GLYATL2: variants seen among roughly 807,000 people sequenced by gnomAD.
The protein encoded by GLYATL2 is glycine-N-acyltransferase like 2.
GLYATL2 carries 25 observed loss-of-function variants against 21.4 expected under a neutral mutation model. The ratio of observed to expected loss-of-function variants is 1.17; its 90% CI spans 0.85 to 1.63. GLYATL2 has a LOEUF of 1.63. Ranked by LOEUF, GLYATL2 falls within the 40% of genes most tolerant of loss-of-function variation. GLYATL2 has a pLI of 0.00. For missense variants in GLYATL2, 361 were observed against 343.3 expected, an observed-to-expected ratio of 1.05 and a Z score of -0.41; for synonymous variants, 114 against 118.2, an observed-to-expected ratio of 0.96 and a Z score of 0.23.
chr11:58,837,360 T>C lies in GLYATL2; in HGVS notation c.224A>G (p.Tyr75Cys). Residue 75 changes from tyrosine to cysteine, a missense_variant, in exon 4 of 6, where the codon TAC becomes TGC. Coordinates refer to ENST00000287275, the MANE Select transcript of GLYATL2 (RefSeq NM_145016.4). ...KDDQDHYTNTYHIFTKAPDKL... is the reference protein window; with the variant it reads ...KDDQDHYTNTCHIFTKAPDKL... ...GTCAGGAGCTTTGGTGAAGATGTGGTAAGTGTTGGTATAATGATCCTGGTC... is the reference window on the plus strand; with the variant it reads ...GTCAGGAGCTTTGGTGAAGATGTGGCAAGTGTTGGTATAATGATCCTGGTC... 1 of 1,613,404 alleles carries C rather than the reference T, an allele frequency of 6.2e-7. No individual in the cohort carries two copies. Among genetic ancestry groups the C allele is most frequent in the Non-Finnish European group, 8.5e-7 (1 of 1,179,356 alleles).
At chr11:58,891,884 A>C (rs1854550538) in intron 1 of GLYATL2, among the ~76,000 whole-genome samples, 2 of 152,194 alleles carry the variant, frequency 1.3e-5, no homozygotes, top group Admixed American at 1.3e-4. Flanking sequence ...ATATAAAATA[A>C]GGTAAATGTG....
In GLYATL2 at chr11:58,894,172, G is replaced by A. The variant is rs139515028; in HGVS notation, n.60+9984C>T. The stretch of plus-strand genomic sequence containing the variant: ...CTGCAAGTATGGTTATAAGTTCAGC[G>A]CTTGGTGTTTGCAGCACTGCTATCT... On this transcript the variant is annotated intron_variant and non_coding_transcript_variant, in intron 1 of 4. Transcript: ENST00000533636. Among the ~76,000 whole-genome samples, 89 of 152,232 alleles carry A rather than the reference G, an allele frequency of 5.8e-4. 2 individuals carry two copies. In the East Asian group the frequency reaches 0.014, roughly 23 times the overall value.
At chr11:58,864,788 G>A (rs1853994908) in intron 1 of GLYATL2, among the ~76,000 whole-genome samples, 1 of 149,088 alleles carries the variant, frequency 6.7e-6, no homozygotes, top group Non-Finnish European at 1.5e-5. Flanking sequence ...TTTTTCTGAG[G>A]ATAAGTGTTA....
intron 1 of GLYATL2, among the ~76,000 whole-genome samples, chr11:58,887,539 C>T (rs568650513): frequency 6.6e-6 from 1 of 152,324 alleles, no homozygotes; most frequent in East Asian, 1.9e-4. Flanking sequence ...TCCTCCTTTT[C>T]TACCCCTTGG....
At chr11:58,859,255 C>T (rs1853888418) in intron 1 of GLYATL2, among the ~76,000 whole-genome samples, 1 of 152,142 alleles carries the variant, frequency 6.6e-6, no homozygotes, top group Non-Finnish European at 1.5e-5. Context: ...TTCACACTCC[C>T]TGCCTCCATT....
upstream of GLYATL2, chr11:58,905,463 A>G (rs556717032): frequency 2.2e-6 from 1 of 456,124 alleles, no homozygotes; most frequent in African/African-American, 2.0e-5. Context: ...ACACCGAAGC[A>G]CCTTGGCGGG....
intron 1 of GLYATL2, among the ~76,000 whole-genome samples, chr11:58,865,798 A>G (rs957118048): frequency 1.3e-5 from 2 of 149,118 alleles, no homozygotes; most frequent in Admixed American, 6.9e-5. Context: ...AGCAGGGACT[A>G]AGCAAATAAT....
At chr11:58,904,652 C>T (rs927171348), upstream of GLYATL2, among the ~76,000 whole-genome samples, 6 of 152,308 alleles carry the variant, frequency 3.9e-5, no homozygotes, top group East Asian at 1.9e-4. Flanking sequence ...GCTGTCTTTA[C>T]GTTTTTCTCT....
chr11:58,903,245 T>C (rs1854769386), intron 1 of GLYATL2, among the ~76,000 whole-genome samples: 1 of 152,112 alleles, frequency 6.6e-6, no homozygotes, highest in Admixed American at 6.5e-5. Flanking sequence ...ACAAGAGTGG[T>C]TCAAGGGGAG....
chr11:58,864,015 G>T (rs939411637), intron 1 of GLYATL2, among the ~76,000 whole-genome samples: 1 of 152,156 alleles, frequency 6.6e-6, no homozygotes, highest in Non-Finnish European at 1.5e-5. Context: ...ATAAGGCTAG[G>T]GCTGCCAACC....
intron 1 of GLYATL2, chr11:58,885,412 G>C: frequency 2.3e-6 from 1 of 436,518 alleles, no homozygotes; most frequent in South Asian, 1.8e-5. Context: ...ACCTCTCCTA[G>C]TCCTTTCCAT....
At chr11:58,889,305 G>A (rs1854499163) in intron 1 of GLYATL2, among the ~76,000 whole-genome samples, 1 of 151,546 alleles carries the variant, frequency 6.6e-6, no homozygotes, top group Admixed American at 6.6e-5. Context: ...AAAGTCTCTT[G>A]GATTTTCTAA....
At chr11:58,866,076 C>G (rs1465956671) in intron 1 of GLYATL2, among the ~76,000 whole-genome samples, 1 of 148,768 alleles carries the variant, frequency 6.7e-6, no homozygotes, top group Non-Finnish European at 1.5e-5. Context: ...TATACCACTT[C>G]CTGATTTCTC....
At chr11:58,838,488 AT>A (rs1853483508) in intron 2 of GLYATL2, 120 bp from the exon 3 acceptor site, 1 of 612,364 alleles carries the variant, frequency 1.6e-6, no homozygotes, top group African/African-American at 1.9e-5. Context: ...AGGACTTAGG[AT>A]GGGCCAGTGC....
intron 1 of GLYATL2, among the ~76,000 whole-genome samples, chr11:58,876,225 A>G (rs1363379545): frequency 6.6e-6 from 1 of 152,050 alleles, no homozygotes; most frequent in Non-Finnish European, 1.5e-5. Context: ...CTTCTTTGCC[A>G]TTGGTTCTAA....
intron 1 of GLYATL2, among the ~76,000 whole-genome samples, chr11:58,895,463 GACA>G (rs1418374030): frequency 6.6e-6 from 1 of 152,132 alleles, no homozygotes; most frequent in Non-Finnish European, 1.5e-5. Context: ...CCTGGGAAGG[GACA>G]TGACAAAGAT....
chr11:58,883,419 G>A (rs112784042), intron 1 of GLYATL2, among the ~76,000 whole-genome samples: 4,052 of 152,166 alleles, frequency 0.027, 164 homozygotes, highest in African/African-American at 0.091. Context: ...ACAAACTACC[G>A]TCAGAGAACA....
chr11:58,858,116 G>C (rs1164788714), intron 1 of GLYATL2, among the ~76,000 whole-genome samples: 1 of 152,098 alleles, frequency 6.6e-6, no homozygotes, highest in Non-Finnish European at 1.5e-5. Flanking sequence ...GCGTGCGTTT[G>C]AGTAGCATTG....
intron 1 of GLYATL2, among the ~76,000 whole-genome samples, chr11:58,843,333 G>A (rs2134578896): frequency 6.6e-6 from 1 of 152,264 alleles, no homozygotes; most frequent in South Asian, 2.1e-4. Flanking sequence ...AAACAGTTAG[G>A]GTTTAAATGG....
Sources: gnomAD v4.1 joint callset for allele counts (sites outside exome capture counted in the v4.1 genomes callset) on GRCh38, gnomAD v4.1.1 for gene constraint, MANE v1.5 for transcripts, NCBI Gene and HGNC (gene_info 2026-07-23, HGNC 2026-07-21) for gene names.